Variants in CPNE8 observed in about 807,000 individuals in gnomAD.
The protein encoded by CPNE8 is copine-8.
In CPNE8, 45 loss-of-function variants were observed where a neutral mutation model predicts 81.5. The ratio of observed to expected loss-of-function variants is 0.55; its 90% CI spans 0.44 to 0.71. CPNE8 has a LOEUF of 0.71. Ranked by LOEUF, CPNE8 falls within the 30% of genes least tolerant of loss-of-function variation. The pLI, the probability that CPNE8 is intolerant of heterozygous loss-of-function variation, is 0.00. For synonymous variants in CPNE8, 252 were observed against 226.3 expected (o/e 1.11, Z -1.02); for missense variants, 594 against 672.1 (o/e 0.88, Z 1.28).
At chr12:38,836,592 C>T (rs2137035649) in intron 5 of CPNE8, among the ~76,000 whole-genome samples, 1 of 152,188 alleles carries the variant, frequency 6.6e-6, no homozygotes, top group Non-Finnish European at 1.5e-5. Context: ...GCTACAAAAT[C>T]CCTTTTATAA....
intron 6 of CPNE8, among the ~76,000 whole-genome samples, chr12:38,796,120 T>A (rs540470610): frequency 2.0e-4 from 30 of 152,134 alleles, no homozygotes; most frequent in African/African-American, 7.2e-4. Context: ...TGGCCATCTC[T>A]ACCAAAAACA....
At chr12:38,819,494 G>A (rs1483676887) in intron 6 of CPNE8, among the ~76,000 whole-genome samples, 10 of 152,202 alleles carry the variant, frequency 6.6e-5, no homozygotes, top group Middle Eastern at 3.4e-3. Flanking sequence ...AGGGCCGGGC[G>A]CGGTGGCTCA....
chr12:38,867,051 G>A (rs532382443), intron 3 of CPNE8, among the ~76,000 whole-genome samples: 178 of 152,044 alleles, frequency 1.2e-3, no homozygotes, highest in African/African-American at 4.1e-3. Flanking sequence ...TAGAGATAGG[G>A]TTTCACCATG....
intron 6 of CPNE8, among the ~76,000 whole-genome samples, chr12:38,797,799 G>GA (rs1862249035): frequency 6.6e-6 from 1 of 151,982 alleles, no homozygotes; most frequent in Admixed American, 6.6e-5. Context: ...TAAAAACTTT[G>GA]AAAAAAATTT....
intron 13 of CPNE8, among the ~76,000 whole-genome samples, chr12:38,712,865 A>G (rs1592030021): frequency 6.6e-6 from 1 of 152,230 alleles, no homozygotes; most frequent in African/African-American, 2.4e-5. Flanking sequence ...ATTTGAATAC[A>G]TACTTTTTTC....
chr12:38,788,770 T>C (rs1095573), intron 6 of CPNE8, among the ~76,000 whole-genome samples: 13,501 of 151,794 alleles, frequency 0.089, 740 homozygotes, highest in East Asian at 0.31. Context: ...AATTGAAGGA[T>C]ATAAAATCAA....
chr12:38,809,987 T>C (rs1942899721), intron 6 of CPNE8, among the ~76,000 whole-genome samples: 1 of 152,198 alleles, frequency 6.6e-6, no homozygotes, highest in South Asian at 2.1e-4. Flanking sequence ...GAGCAAACTC[T>C]ATGAGCTTTT....
intron 14 of CPNE8, among the ~76,000 whole-genome samples, chr12:38,701,092 G>T (rs1034419506): frequency 2.0e-5 from 3 of 152,090 alleles, no homozygotes; most frequent in African/African-American, 7.2e-5. Flanking sequence ...TACTTTGTTT[G>T]GGTGTGTAAT....
chr12:38,884,178 C>G (rs75845596), intron 1 of CPNE8, among the ~76,000 whole-genome samples: 1 of 152,004 alleles, frequency 6.6e-6, no homozygotes, highest in African/African-American at 2.4e-5. Flanking sequence ...ACCCTGAACC[C>G]ATCAAAAATC....
intron 19 of CPNE8, among the ~76,000 whole-genome samples, chr12:38,661,012 A>G (rs548163486): frequency 5.8e-4 from 89 of 152,318 alleles, no homozygotes; most frequent in Admixed American, 1.1e-3. Context: ...TGTTGGTGGG[A>G]GTGTAAATTA....
In CPNE8 at chr12:38,783,087, A is replaced by G. The variant is rs531198081; in HGVS notation, c.408-6786T>C. 8.7e-4 allele frequency among the ~76,000 whole-genome samples: 133 copies of G among 152,314 alleles called. 1 individual carries two copies. Among genetic ancestry groups the G allele is most frequent in the African/African-American group, 2.6e-3 (110 of 41,564 alleles). On this transcript the variant is annotated intron_variant, in intron 6 of 19. Coordinates refer to ENST00000331366, the MANE Select transcript of CPNE8 (RefSeq NM_153634.3). Reference sequence around the variant, plus strand: ...TTTAACTGTATTCTTACATTTTGAGAGACATAGAATAATAAAACTCATCCA... The same window carrying G: ...TTTAACTGTATTCTTACATTTTGAGGGACATAGAATAATAAAACTCATCCA...
At chr12:38,843,326 A>G (rs547846940) in intron 4 of CPNE8, among the ~76,000 whole-genome samples, 1 of 152,320 alleles carries the variant, frequency 6.6e-6, no homozygotes, top group South Asian at 2.1e-4. Flanking sequence ...TGCTTAGCTC[A>G]GAGCTACTGA....
At chr12:38,818,249 T>G (rs1013384428) in intron 6 of CPNE8, among the ~76,000 whole-genome samples, 7 of 152,198 alleles carry the variant, frequency 4.6e-5, no homozygotes, top group African/African-American at 1.7e-4. Flanking sequence ...AAGCCCCACA[T>G]GCATTAGGTG....
At chr12:38,664,890 T>A (rs1939032518) in intron 19 of CPNE8, among the ~76,000 whole-genome samples, 1 of 152,144 alleles carries the variant, frequency 6.6e-6, no homozygotes, top group Non-Finnish European at 1.5e-5. Context: ...TGAGAACCAC[T>A]GTCATAGGAA....
At chr12:38,840,605 T>C (rs1405612110) in intron 4 of CPNE8, among the ~76,000 whole-genome samples, 6 of 152,208 alleles carry the variant, frequency 3.9e-5, no homozygotes, top group Non-Finnish European at 8.8e-5. Context: ...CAGGTTGTCC[T>C]TAGCACACAT....
intron 6 of CPNE8, among the ~76,000 whole-genome samples, chr12:38,780,183 C>T (rs1223824476): frequency 6.6e-6 from 1 of 152,110 alleles, no homozygotes; most frequent in African/African-American, 2.4e-5. Context: ...GCTCCCCATC[C>T]TGTCCTCCTG....
At chr12:38,899,125 T>C (rs1292192987) in intron 1 of CPNE8, among the ~76,000 whole-genome samples, 2 of 152,176 alleles carry the variant, frequency 1.3e-5, no homozygotes, top group Admixed American at 6.5e-5. Flanking sequence ...AACTTGACAC[T>C]ACCACTTCTA....
intron 1 of CPNE8, among the ~76,000 whole-genome samples, chr12:38,875,882 A>C (rs567636321): frequency 3.9e-5 from 6 of 152,180 alleles, no homozygotes; most frequent in Non-Finnish European, 7.4e-5. Flanking sequence ...GTAAACTAAA[A>C]CATTTCCATT....
At chr12:38,699,663 G>C (rs769413602) in intron 14 of CPNE8, among the ~76,000 whole-genome samples, 2 of 150,852 alleles carry the variant, frequency 1.3e-5, no homozygotes, top group Non-Finnish European at 2.9e-5. Context: ...TATTTCACCA[G>C]TACCCAGCTA....
Sources: allele counts gnomAD v4.1 joint callset (sites outside exome capture counted in the v4.1 genomes callset), GRCh38; gene constraint gnomAD v4.1.1; transcripts MANE v1.5; gene names NCBI Gene and HGNC (gene_info 2026-07-23, HGNC 2026-07-21).